SEMA5B: variants seen among roughly 807,000 people sequenced by gnomAD.
SEMA5B encodes the protein semaphorin-5B.
In SEMA5B, 66 loss-of-function variants were observed where a neutral mutation model predicts 135.0. The observed-to-expected ratio is 0.49, with a 90% confidence interval of 0.40 to 0.60. SEMA5B has a LOEUF of 0.60. Ranked by LOEUF, SEMA5B falls within the 20% of genes least tolerant of loss-of-function variation. The pLI, the probability that SEMA5B is intolerant of heterozygous loss-of-function variation, is 0.00. For missense variants in SEMA5B, 1,501 were observed against 1,566.3 expected, an observed-to-expected ratio of 0.96 and a Z score of 0.70; for synonymous variants, 690 against 639.5, an observed-to-expected ratio of 1.08 and a Z score of -1.19.
In SEMA5B at chr3:122,966,536, T is replaced by TTTATTATTATTA. The variant is rs140866804; in HGVS notation, c.-38-5247_-38-5236dup. 9.8e-3 allele frequency among the ~76,000 whole-genome samples: 1,383 copies of TTTATTATTATTA among 141,522 alleles called. 14 individuals carry two copies. Among genetic ancestry groups the TTTATTATTATTA allele is most frequent in the African/African-American group, 0.035 (1,299 of 37,544 alleles). The allele number at this position is 141,522 out of a possible 152,430, so 92.8% of individuals were successfully genotyped here. Reference sequence around the variant, plus strand: ...AGCATGGAAATTCATTGTAAGAATGTTTATTATTATTATTATTATTATTAT... The same window carrying TTTATTATTATTA: ...AGCATGGAAATTCATTGTAAGAATGTTTATTATTATTATTATTATTATTATTATTATTATTAT... On this transcript the variant is annotated intron_variant, in intron 1 of 22. Transcript: ENST00000357599.
intron 1 of SEMA5B, among the ~76,000 whole-genome samples, chr3:123,021,218 G>A (rs1229612982): frequency 2.0e-5 from 3 of 152,166 alleles, no homozygotes; most frequent in African/African-American, 7.2e-5. Flanking sequence ...CAGAGCTAGT[G>A]GTATTTTCCT....
At chr3:122,966,891 T>C (rs1043253739) in intron 1 of SEMA5B, among the ~76,000 whole-genome samples, 9 of 145,686 alleles carry the variant, frequency 6.2e-5, no homozygotes, top group Non-Finnish European at 1.0e-4. Flanking sequence ...TTATTATTAT[T>C]ATTATTATTA....
At chr3:122,943,840 G>T (rs1487492113) in intron 3 of SEMA5B, among the ~76,000 whole-genome samples, 1 of 152,110 alleles carries the variant, frequency 6.6e-6, no homozygotes, top group Non-Finnish European at 1.5e-5. Flanking sequence ...GTACACACTG[G>T]TAAATCCTGC....
At chr3:122,944,828 T>G (rs1309304760) in intron 3 of SEMA5B, among the ~76,000 whole-genome samples, 1 of 152,152 alleles carries the variant, frequency 6.6e-6, no homozygotes, top group Non-Finnish European at 1.5e-5. Context: ...AGCCTATGCA[T>G]GACCCATGGA....
chr3:123,026,549 G>C (rs1346574383), intron 1 of SEMA5B, among the ~76,000 whole-genome samples: 1 of 152,094 alleles, frequency 6.6e-6, no homozygotes, highest in African/African-American at 2.4e-5. Flanking sequence ...CGTTGGGCCG[G>C]GTTTTCTCGA....
chr3:122,962,834 G>T (rs971640660), intron 1 of SEMA5B, among the ~76,000 whole-genome samples: 5 of 151,594 alleles, frequency 3.3e-5, no homozygotes, highest in African/African-American at 9.7e-5. Context: ...CCAACCCCCT[G>T]ACCCCCCATG....
At position 123,027,718 on chromosome 3, in the gene SEMA5B, C is replaced by G. The variant is rs1042708081; in HGVS notation, c.-293G>C. ...GGAGCTGGGCTCTGGCACCAACCCC[C>G]GCGCTCCAACTAGCTCCCGACCCGG... On this transcript the variant is annotated 5_prime_UTR_variant, in exon 1 of 23. Transcript: ENST00000357599. 2.0e-5 allele frequency: 3 copies of G among 152,138 alleles called. No homozygotes were observed. Among genetic ancestry groups the G allele is most frequent in the Non-Finnish European group, 2.9e-5 (2 of 68,026 alleles). The allele number at this position is 152,138 out of a possible 1,614,324, so 9.4% of individuals were successfully genotyped here. A position where few individuals can be genotyped will look rare whatever the true frequency, so the allele number is the denominator to read the frequency against.
chr3:122,936,471 C>T (rs545917115), intron 5 of SEMA5B, among the ~76,000 whole-genome samples: 1 of 152,246 alleles, frequency 6.6e-6, no homozygotes, highest in African/African-American at 2.4e-5. Flanking sequence ...TGCCCAGGCC[C>T]GAACAAAGCC....
chr3:122,987,273 C>T (rs1941732078), intron 1 of SEMA5B, among the ~76,000 whole-genome samples: 1 of 152,044 alleles, frequency 6.6e-6, no homozygotes. Context: ...CAGTCTTGTC[C>T]CCCCCATAAG....
chr3:122,966,539 A>T (rs1226997806), intron 1 of SEMA5B, among the ~76,000 whole-genome samples: 9 of 26,798 alleles, frequency 3.4e-4, no homozygotes, highest in Admixed American at 2.0e-3. Flanking sequence ...AAGAATGTTT[A>T]TTATTATTAT....
chr3:123,026,940 GGGCGGCGGCTCCGCA>G (rs1400831727), intron 1 of SEMA5B, among the ~76,000 whole-genome samples: 1 of 152,200 alleles, frequency 6.6e-6, no homozygotes, highest in Non-Finnish European at 1.5e-5. Flanking sequence ...GGAAGAATCC[GGGCGGCGGCTCCGCA>G]GGCGGCGGCG....
chr3:122,967,500 C>T (rs972623634), intron 1 of SEMA5B, among the ~76,000 whole-genome samples: 1 of 152,202 alleles, frequency 6.6e-6, no homozygotes, highest in African/African-American at 2.4e-5. Flanking sequence ...CTCCAGAGGC[C>T]TGCCCTTAAC....
At chr3:122,949,014 G>T (rs531911797) in intron 2 of SEMA5B, among the ~76,000 whole-genome samples, 1 of 152,174 alleles carries the variant, frequency 6.6e-6, no homozygotes, top group Non-Finnish European at 1.5e-5. Context: ...TTAATAAATG[G>T]AGCTGAGGCC....
intron 2 of SEMA5B, among the ~76,000 whole-genome samples, chr3:122,960,185 C>A (rs1199793923): frequency 1.3e-5 from 2 of 152,210 alleles, no homozygotes. Context: ...AGTTGCTCAG[C>A]ATAAATCTTT....
At chr3:122,994,877 A>G (rs777452482) in intron 1 of SEMA5B, among the ~76,000 whole-genome samples, 10 of 152,204 alleles carry the variant, frequency 6.6e-5, no homozygotes, top group Non-Finnish European at 1.3e-4. Context: ...GCCCTCAGAG[A>G]TGCTGGATCC....
At chr3:122,914,748 A>G (rs1937971808) in intron 14 of SEMA5B, among the ~76,000 whole-genome samples, 1 of 152,156 alleles carries the variant, frequency 6.6e-6, no homozygotes, top group South Asian at 2.1e-4. Flanking sequence ...AGCCTAGGCA[A>G]TATAGTGAGA....
At chr3:122,962,966 G>A (rs1940650862) in intron 1 of SEMA5B, among the ~76,000 whole-genome samples, 1 of 152,168 alleles carries the variant, frequency 6.6e-6, no homozygotes, top group Non-Finnish European at 1.5e-5. Flanking sequence ...TGGCCCAAGG[G>A]CACTCTGACC....
chr3:122,936,664 G>A (rs1939300229), intron 5 of SEMA5B, among the ~76,000 whole-genome samples: 1 of 152,176 alleles, frequency 6.6e-6, no homozygotes, highest in Admixed American at 6.5e-5. Context: ...TCATCATGCT[G>A]GTCCTCTCAG....
chr3:123,006,834 C>G (rs1479431141), intron 1 of SEMA5B, among the ~76,000 whole-genome samples: 2 of 152,132 alleles, frequency 1.3e-5, no homozygotes, highest in Non-Finnish European at 2.9e-5. Context: ...CACCACCACC[C>G]CCATTCTCAG....
Sources: gnomAD v4.1 joint callset for allele counts (sites outside exome capture counted in the v4.1 genomes callset) on GRCh38, gnomAD v4.1.1 for gene constraint, MANE v1.5 for transcripts, NCBI Gene and HGNC (gene_info 2026-07-23, HGNC 2026-07-21) for gene names.